EHHADH: variants seen among roughly 807,000 people sequenced by gnomAD.
The protein encoded by EHHADH is enoyl-CoA hydratase and 3-hydroxyacyl CoA dehydrogenase, also known as peroxisomal bifunctional enzyme.
EHHADH carries 48 observed loss-of-function variants against 64.4 expected under a neutral mutation model. The ratio of observed to expected loss-of-function variants is 0.75; its 90% CI spans 0.59 to 0.95. The LOEUF (loss-of-function observed/expected upper bound fraction) is 0.95, where lower values mean the gene tolerates loss of function less well. EHHADH is among the 40% of genes least tolerant of loss of function. EHHADH has a pLI of 0.00. For synonymous variants in EHHADH, 308 were observed against 326.7 expected (o/e 0.94, Z 0.62); for missense variants, 854 against 876.6 (o/e 0.97, Z 0.33).
At chr3:185,204,795 T>A in intron 5 of EHHADH, 38 bp from the exon 6 acceptor site, 1 of 1,503,770 alleles carries the variant, frequency 6.6e-7, no homozygotes, top group Non-Finnish European at 9.0e-7. Flanking sequence ...TTGGAAATGT[T>A]ACTTGTACAA....
In EHHADH at chr3:185,248,445, C is replaced by T. The variant is rs775074369; in HGVS notation, c.147G>A (p.Val49=). 1.2e-6 allele frequency: 2 copies of T among 1,614,154 alleles called. No individual in the cohort carries two copies. The highest frequency in any genetic ancestry group is 3.3e-5 in the Admixed American group (2 of 60,034). Residue 49 remains valine, a synonymous_variant, in exon 2 of 7, where the codon GTG becomes GTA. Transcript: ENST00000231887. ...AAAATTTGCCCTCTGCTCCACAAATCACAATGGCTTTTATTGTATGGTCTA... is the reference window on the plus strand; with the variant it reads ...AAAATTTGCCCTCTGCTCCACAAATTACAATGGCTTTTATTGTATGGTCTA... The part of the protein sequence containing the change: ...AVIDHTIKAI[V]ICGAEGKFSA...
chr3:185,210,929 T>C (rs540126858), intron 5 of EHHADH, among the ~76,000 whole-genome samples: 2 of 152,190 alleles, frequency 1.3e-5, no homozygotes, highest in Non-Finnish European at 1.5e-5. Flanking sequence ...CCGGGGACAC[T>C]GAAAACCTCG....
intron 4 of EHHADH, among the ~76,000 whole-genome samples, chr3:185,218,987 C>T (rs972796390): frequency 6.6e-6 from 1 of 152,112 alleles, no homozygotes; most frequent in Middle Eastern, 3.2e-3. Flanking sequence ...CACACCACTG[C>T]ACTCCAGCCT....
intron 3 of EHHADH, among the ~76,000 whole-genome samples, chr3:185,232,754 G>T (rs1186206345): frequency 6.6e-6 from 1 of 152,090 alleles, no homozygotes; most frequent in East Asian, 1.9e-4. Context: ...GGCCTATAAT[G>T]ATATTTTTAA....
At chr3:185,205,933 G>A (rs894226089) in intron 5 of EHHADH, among the ~76,000 whole-genome samples, 26 of 152,196 alleles carry the variant, frequency 1.7e-4, no homozygotes, top group Admixed American at 4.6e-4. Context: ...GGGAGATTGA[G>A]CAACACATGA....
intron 6 of EHHADH, among the ~76,000 whole-genome samples, chr3:185,193,907 T>C (rs1375520941): frequency 5.3e-5 from 8 of 152,156 alleles, no homozygotes; most frequent in Non-Finnish European, 1.0e-4. Flanking sequence ...GTACAAAACA[T>C]TGTTAATAGA....
At position 185,234,567 on chromosome 3, in the gene EHHADH, CTAGGG is replaced by C; in HGVS notation, c.351+718_351+722del. ...AGGGAAACAAGATCATAGAGAGGCC[CTAGGG>C]CTAAGGTTAAGGGAAACAAGGAGTT... On this transcript the variant is annotated intron_variant, in intron 3 of 6. Coordinates refer to ENST00000231887, the MANE Select transcript of EHHADH (RefSeq NM_001966.4). Among the ~76,000 whole-genome samples, 2 of 122,684 alleles carry C rather than the reference CTAGGG, an allele frequency of 1.6e-5. 1 individual carries two copies. The highest frequency in any genetic ancestry group is 6.0e-5 in the African/African-American group (2 of 33,318). 80.5% of individuals were successfully genotyped at this position (122,684 alleles called of 152,430 possible).
intron 4 of EHHADH, among the ~76,000 whole-genome samples, chr3:185,220,046 G>A (rs74969402): frequency 6.6e-6 from 1 of 152,198 alleles, no homozygotes; most frequent in East Asian, 1.9e-4. Flanking sequence ...AGGAGAGAGT[G>A]AATCAGCCTA....
intron 4 of EHHADH, 35 bp from the exon 5 acceptor site, chr3:185,218,275 A>G (rs1234905945): frequency 6.7e-7 from 1 of 1,494,942 alleles, no homozygotes; most frequent in African/African-American, 1.4e-5. Flanking sequence ...ACAACAAATC[A>G]AAGAGCGATG....
At chr3:185,225,207 G>C (rs1174561394) in intron 4 of EHHADH, among the ~76,000 whole-genome samples, 1 of 152,148 alleles carries the variant, frequency 6.6e-6, no homozygotes, top group Non-Finnish European at 1.5e-5. Flanking sequence ...ACTTGGATGT[G>C]TAACAGGCCT....
intron 3 of EHHADH, among the ~76,000 whole-genome samples, chr3:185,233,450 A>G (rs747613815): frequency 3.9e-5 from 6 of 152,320 alleles, no homozygotes; most frequent in Middle Eastern, 3.4e-3. Context: ...GAACAAAAAA[A>G]CCAAAAAGCA....
chr3:185,221,633 C>T (rs1718837219), intron 4 of EHHADH, among the ~76,000 whole-genome samples: 3 of 137,044 alleles, frequency 2.2e-5, no homozygotes, highest in Non-Finnish European at 4.6e-5. Context: ...AGTGCAGTGG[C>T]GCAATCTCGG....
At position 185,192,566 on chromosome 3, in the gene EHHADH, G is replaced by A; in HGVS notation, c.1832C>T (p.Pro611Leu). Residue 611 changes from proline (P) to leucine (L), a missense_variant, in exon 7 of 7, where the codon CCA (proline) becomes CTA (leucine). Pro to Leu is a moderately conservative substitution (Grantham distance 98, BLOSUM62 -3). Coordinates refer to ENST00000231887, the MANE Select transcript of EHHADH (RefSeq NM_001966.4). Reference protein sequence around the residue: ...SRYRKTHHIEPRTISQDEILE... With the variant: ...SRYRKTHHIELRTISQDEILE... Reference sequence around the variant, plus strand: ...GATCTCATCCTGGCTAATGGTACGTGGTTCAATGTGATGGGTTTTTCTATA... The same window carrying A: ...GATCTCATCCTGGCTAATGGTACGTAGTTCAATGTGATGGGTTTTTCTATA... The A allele has an allele frequency of 6.2e-7, 1 of 1,614,148 alleles. No individual in the cohort carries two copies. The highest frequency in any genetic ancestry group is 1.1e-5 in the South Asian group (1 of 91,082).
chr3:185,203,693 T>C (rs1346525469), intron 6 of EHHADH, among the ~76,000 whole-genome samples: 1 of 151,998 alleles, frequency 6.6e-6, no homozygotes, highest in Non-Finnish European at 1.5e-5. Flanking sequence ...TTTGAACAGG[T>C]GAAGTGAATG....
chr3:185,244,557 C>A (rs1231593389), intron 2 of EHHADH, among the ~76,000 whole-genome samples: 1 of 152,044 alleles, frequency 6.6e-6, no homozygotes, highest in Non-Finnish European at 1.5e-5. Context: ...TAGTGTTTAC[C>A]CAGAAGCTGT....
intron 6 of EHHADH, 80 bp downstream of exon 6, chr3:185,204,336 G>A (rs550345296): frequency 1.5e-6 from 2 of 1,290,514 alleles, no homozygotes; most frequent in South Asian, 2.9e-5. Context: ...GTGAAACCTA[G>A]CATCCGGTAG....
At chr3:185,229,751 C>G (rs1037850470) in intron 3 of EHHADH, among the ~76,000 whole-genome samples, 2 of 152,196 alleles carry the variant, frequency 1.3e-5, no homozygotes, top group Non-Finnish European at 2.9e-5. Context: ...TGTTGAAACA[C>G]ATTTTTAGCT....
In EHHADH at chr3:185,192,045, G is replaced by A; in HGVS notation, c.*181C>T. The A allele has an allele frequency of 1.5e-6, 1 of 674,566 alleles. No homozygotes were observed. Among genetic ancestry groups the A allele is most frequent in the Non-Finnish European group, 2.5e-6 (1 of 406,274 alleles). The allele number at this position is 674,566 out of a possible 1,614,324, so 41.8% of individuals were successfully genotyped here. A position where few individuals can be genotyped will look rare whatever the true frequency, so the allele number is the denominator to read the frequency against. The stretch of plus-strand genomic sequence containing the variant: ...TTTATCTGATAAGGACAGATTCAGA[G>A]GCATAGGAAGCACATTCCTAAAGAT... On this transcript the variant is annotated 3_prime_UTR_variant, in exon 7 of 7. Coordinates refer to ENST00000231887, the MANE Select transcript of EHHADH (RefSeq NM_001966.4).
chr3:185,223,084 T>C (rs755545417), intron 4 of EHHADH, among the ~76,000 whole-genome samples: 17 of 152,252 alleles, frequency 1.1e-4, no homozygotes, highest in South Asian at 4.1e-4. Context: ...TTTTTTCTTT[T>C]GGTTATTGCT....
Sources: allele counts gnomAD v4.1 joint callset (sites outside exome capture counted in the v4.1 genomes callset), GRCh38; gene constraint gnomAD v4.1.1; transcripts MANE v1.5; gene names NCBI Gene and HGNC (gene_info 2026-07-23, HGNC 2026-07-21).